FHIP1A: variants seen among roughly 807,000 people sequenced by gnomAD.
The protein encoded by FHIP1A is FHF complex subunit HOOK interacting protein 1A.
A neutral mutation model predicts 88.6 loss-of-function variants in FHIP1A; 61 were observed. That is an observed-to-expected ratio of 0.69 (90% CI 0.56 to 0.85). FHIP1A has a LOEUF of 0.85. Among genes scored for constraint, FHIP1A ranks in the 40% least tolerant of loss-of-function variants. FHIP1A has a pLI of 0.00. For synonymous variants in FHIP1A, 478 were observed against 496.0 expected (o/e 0.96, Z 0.48); for missense variants, 1,154 against 1,273.5 (o/e 0.91, Z 1.43).
intron 2 of FHIP1A, among the ~76,000 whole-genome samples, chr4:151,478,820 A>G (rs1265504458): frequency 2.0e-5 from 3 of 152,154 alleles, no homozygotes; most frequent in Non-Finnish European, 2.9e-5. Flanking sequence ...ATTGGGAAAC[A>G]TCACTTTAAT....
intron 6 of FHIP1A, among the ~76,000 whole-genome samples, chr4:151,588,546 C>A (rs1380917926): frequency 6.6e-6 from 1 of 152,004 alleles, no homozygotes; most frequent in African/African-American, 2.4e-5. Flanking sequence ...AAGTATGAAT[C>A]CTTATACATA....
Position 151,666,688 on chromosome 4 carries a change from C to A in FHIP1A, c.*3934C>A, listed in dbSNP as rs745947480. ...TGTGGCCGTCATGTGGACTGATTCC[C>A]AGGTCTGTTTGAGGTTTAGGGTTGT... On this transcript the variant is annotated 3_prime_UTR_variant, in exon 14 of 14. Transcript: ENST00000435205. Among the ~76,000 whole-genome samples the A allele has an allele frequency of 2.0e-4, 30 of 152,260 alleles. No individual in the cohort carries two copies. The highest frequency in any genetic ancestry group is 3.5e-4 in the Non-Finnish European group (24 of 68,020).
chr4:151,410,590 G>C (rs1205230497), intron 1 of FHIP1A, among the ~76,000 whole-genome samples: 1 of 152,180 alleles, frequency 6.6e-6, no homozygotes, highest in Non-Finnish European at 1.5e-5. Flanking sequence ...ATGCCTGCTT[G>C]TCAGGGTCAC....
chr4:151,437,292 T>G (rs1221008964), intron 1 of FHIP1A, among the ~76,000 whole-genome samples: 1 of 151,772 alleles, frequency 6.6e-6, no homozygotes, highest in Non-Finnish European at 1.5e-5. Context: ...CCGCTGGGGG[T>G]TCTAGGGATT....
chr4:151,657,613 G>A (rs886768103), intron 13 of FHIP1A, among the ~76,000 whole-genome samples: 1 of 152,208 alleles, frequency 6.6e-6, no homozygotes, highest in African/African-American at 2.4e-5. Context: ...CCCCTGAGCT[G>A]TGACTTAGGC....
At chr4:151,626,373 GA>G (rs1735951975) in intron 7 of FHIP1A, among the ~76,000 whole-genome samples, 1 of 152,192 alleles carries the variant, frequency 6.6e-6, no homozygotes, top group Non-Finnish European at 1.5e-5. Context: ...GGCAGAGAAA[GA>G]TTTATTTCCA....
At chr4:151,563,896 G>A (rs982424105) in intron 3 of FHIP1A, among the ~76,000 whole-genome samples, 9 of 152,104 alleles carry the variant, frequency 5.9e-5, no homozygotes, top group Non-Finnish European at 1.2e-4. Flanking sequence ...GGGAGGCTGA[G>A]GCGGGAGGAT....
intron 7 of FHIP1A, among the ~76,000 whole-genome samples, chr4:151,619,613 A>T (rs959272425): frequency 4.6e-5 from 7 of 152,254 alleles, no homozygotes; most frequent in African/African-American, 1.7e-4. Flanking sequence ...TTTCTGCTTT[A>T]TCATGGGCTG....
chr4:151,588,325 ATGAC>A (rs1177463628), intron 6 of FHIP1A, among the ~76,000 whole-genome samples: 1 of 152,144 alleles, frequency 6.6e-6, no homozygotes, highest in Admixed American at 6.5e-5. Context: ...TTTAATATAA[ATGAC>A]TATCAGGAAA....
At chr4:151,457,743 C>T (rs1358144423) in intron 2 of FHIP1A, among the ~76,000 whole-genome samples, 1 of 152,030 alleles carries the variant, frequency 6.6e-6, no homozygotes, top group Non-Finnish European at 1.5e-5. Context: ...TTTTAGGTAT[C>T]TCTGAGACCT....
At chr4:151,524,007 T>G (rs1731539751) in intron 3 of FHIP1A, among the ~76,000 whole-genome samples, 1 of 152,186 alleles carries the variant, frequency 6.6e-6, no homozygotes, top group Non-Finnish European at 1.5e-5. Flanking sequence ...TATTTTGTTC[T>G]GTTTTTTAAA....
chr4:151,496,952 T>A (rs1417730962), intron 3 of FHIP1A, among the ~76,000 whole-genome samples: 1 of 151,700 alleles, frequency 6.6e-6, no homozygotes, highest in Non-Finnish European at 1.5e-5. Flanking sequence ...AAAAGAAACA[T>A]ATAAATATAA....
chr4:151,472,628 T>G (rs1561510589), intron 2 of FHIP1A, among the ~76,000 whole-genome samples: 1 of 151,642 alleles, frequency 6.6e-6, no homozygotes, highest in African/African-American at 2.4e-5. Flanking sequence ...TGCTGTTTTT[T>G]TTTTTTTTTT....
intron 1 of FHIP1A, among the ~76,000 whole-genome samples, chr4:151,418,689 C>T (rs1383630007): frequency 1.3e-5 from 2 of 152,124 alleles, no homozygotes; most frequent in Non-Finnish European, 2.9e-5. Context: ...CATTGCTGAC[C>T]TTTGGACCAT....
At chr4:151,478,570 G>A (rs1729790910) in intron 2 of FHIP1A, among the ~76,000 whole-genome samples, 1 of 152,146 alleles carries the variant, frequency 6.6e-6, no homozygotes, top group African/African-American at 2.4e-5. Flanking sequence ...ACTTCCTGAA[G>A]TATGTTTCTT....
chr4:151,636,627 A>G (rs976529938), intron 8 of FHIP1A, among the ~76,000 whole-genome samples: 27 of 152,070 alleles, frequency 1.8e-4, no homozygotes, highest in African/African-American at 6.3e-4. Context: ...TTTTTACAAA[A>G]GAAGTGCAAA....
chr4:151,670,429 A>G lies in FHIP1A; in HGVS notation c.*7675A>G, dbSNP rs901748891. On this transcript the variant is annotated 3_prime_UTR_variant, in exon 14 of 14. Coordinates refer to ENST00000435205, the MANE Select transcript of FHIP1A (RefSeq NM_001109977.3). ...ATTTGGGGGAGTTGTCAGCTGCACA[A>G]TCTTTGAAGTGTAAGTTAATTTTTA... 2 of 152,156 alleles carry G rather than the reference A, an allele frequency of 1.3e-5. No homozygotes were observed. Among genetic ancestry groups the G allele is most frequent in the African/African-American group, 2.4e-5 (1 of 41,438 alleles). 9.4% of individuals were successfully genotyped at this position (152,156 alleles called of 1,614,324 possible).
intron 8 of FHIP1A, among the ~76,000 whole-genome samples, chr4:151,632,672 A>T (rs1265329250): frequency 1.3e-5 from 2 of 152,106 alleles, no homozygotes; most frequent in African/African-American, 4.8e-5. Flanking sequence ...CTAGAAATAA[A>T]TAGCAGAAGG....
chr4:151,511,047 C>A (rs1731009608), intron 3 of FHIP1A, among the ~76,000 whole-genome samples: 1 of 152,170 alleles, frequency 6.6e-6, no homozygotes, highest in South Asian at 2.1e-4. Context: ...GAGTTACTTA[C>A]AGGCTACTCT....
Sources: gnomAD v4.1 joint callset for allele counts (sites outside exome capture counted in the v4.1 genomes callset) on GRCh38, gnomAD v4.1.1 for gene constraint, MANE v1.5 for transcripts, NCBI Gene and HGNC (gene_info 2026-07-23, HGNC 2026-07-21) for gene names.